Variants in SFMBT2 observed in about 807,000 individuals in gnomAD.
SFMBT2 encodes the protein scm-like with four MBT domains protein 2.
In SFMBT2, 38 loss-of-function variants were observed where a neutral mutation model predicts 110.1. The ratio of observed to expected loss-of-function variants is 0.35; its 90% CI spans 0.27 to 0.45. SFMBT2 has a LOEUF of 0.45. Among genes scored for constraint, SFMBT2 ranks in the 20% least tolerant of loss-of-function variants. The pLI, the probability that SFMBT2 is intolerant of heterozygous loss-of-function variation, is 1.00. For missense variants in SFMBT2, 1,011 were observed against 1,094.9 expected, an observed-to-expected ratio of 0.92 and a Z score of 1.08; for synonymous variants, 425 against 425.4, an observed-to-expected ratio of 1.00 and a Z score of 0.01.
chr10:7,242,752 C>A (rs1840475590), intron 9 of SFMBT2, among the ~76,000 whole-genome samples: 1 of 152,188 alleles, frequency 6.6e-6, no homozygotes, highest in African/African-American at 2.4e-5. Context: ...TGGGACTCAA[C>A]CTGTGGGAAC....
At chr10:7,196,246 C>T (rs912413710) in intron 15 of SFMBT2, among the ~76,000 whole-genome samples, 6 of 152,194 alleles carry the variant, frequency 3.9e-5, no homozygotes, top group Non-Finnish European at 8.8e-5. Context: ...CAACCTCACA[C>T]TGAAGCATCA....
At chr10:7,196,084 T>C (rs558833836) in intron 15 of SFMBT2, among the ~76,000 whole-genome samples, 1 of 152,142 alleles carries the variant, frequency 6.6e-6, no homozygotes, top group Non-Finnish European at 1.5e-5. Context: ...TCAAGTGAAA[T>C]GATATTTGAA....
intron 1 of SFMBT2, among the ~76,000 whole-genome samples, chr10:7,399,901 C>A (rs1409956904): frequency 6.6e-6 from 1 of 152,200 alleles, no homozygotes; most frequent in Non-Finnish European, 1.5e-5. Context: ...AATAGAGCAT[C>A]CACTAGGATG....
chr10:7,349,469 G>C (rs543509201), intron 4 of SFMBT2, among the ~76,000 whole-genome samples: 9 of 11,394 alleles, frequency 7.9e-4, no homozygotes, highest in Admixed American at 2.8e-3. Context: ...TTTTTTTTGC[G>C]GGGGGGAGAC....
intron 2 of SFMBT2, among the ~76,000 whole-genome samples, chr10:7,373,227 C>T (rs1013005089): frequency 7.9e-5 from 12 of 152,156 alleles, no homozygotes; most frequent in Non-Finnish European, 1.3e-4. Flanking sequence ...TACTCTCTTG[C>T]TTCCTCTTTC....
chr10:7,340,372 A>C (rs1843854250), intron 4 of SFMBT2, among the ~76,000 whole-genome samples: 1 of 152,086 alleles, frequency 6.6e-6, no homozygotes, highest in Admixed American at 6.6e-5. Flanking sequence ...TGACTCACAC[A>C]CTTCAAATTC....
At chr10:7,339,947 T>C (rs1005070701) in intron 4 of SFMBT2, among the ~76,000 whole-genome samples, 10 of 152,246 alleles carry the variant, frequency 6.6e-5, no homozygotes, top group African/African-American at 2.2e-4. Context: ...TGAGCTAGTT[T>C]CTAAGTGAAA....
intron 4 of SFMBT2, among the ~76,000 whole-genome samples, chr10:7,315,106 AAG>A (rs1491157889): frequency 1.4e-5 from 2 of 140,456 alleles, no homozygotes; most frequent in East Asian, 2.0e-4. Context: ...GAAAGAAAGA[AAG>A]AAAAAGCAAG....
intron 12 of SFMBT2, chr10:7,205,408 G>A (rs1839096759): frequency 1.0e-6 from 1 of 985,036 alleles, no homozygotes; most frequent in Admixed American, 6.2e-5. Context: ...GTGTTTATAA[G>A]AATGTCAGTA....
At chr10:7,323,599 G>A (rs1210230152) in intron 4 of SFMBT2, among the ~76,000 whole-genome samples, 1 of 151,968 alleles carries the variant, frequency 6.6e-6, no homozygotes, top group African/African-American at 2.4e-5. Context: ...TCAATCTGAA[G>A]TATGTTGAAA....
intron 1 of SFMBT2, among the ~76,000 whole-genome samples, chr10:7,398,804 T>C (rs769319445): frequency 6.6e-6 from 1 of 152,200 alleles, no homozygotes; most frequent in Non-Finnish European, 1.5e-5. Context: ...TTCCCCAAAA[T>C]ATTTGTGTAA....
chr10:7,277,251 G>A (rs1841810906), intron 6 of SFMBT2: 1 of 153,832 alleles, frequency 6.5e-6, no homozygotes, highest in Admixed American at 6.6e-5. Context: ...GCATTTAGTT[G>A]GCATTCTGTA....
chr10:7,269,767 T>C (rs1285244186), intron 7 of SFMBT2, among the ~76,000 whole-genome samples: 1 of 150,824 alleles, frequency 6.6e-6, no homozygotes, highest in Non-Finnish European at 1.5e-5. Context: ...TGTCTCTTTT[T>C]GGATCCTGCA....
chr10:7,403,618 G>A (rs1243524694), intron 1 of SFMBT2, among the ~76,000 whole-genome samples: 1 of 152,186 alleles, frequency 6.6e-6, no homozygotes, highest in Non-Finnish European at 1.5e-5. Context: ...CTCCAGCCTG[G>A]ATGACAGAGC....
In SFMBT2 at chr10:7,163,126, C is replaced by T. The variant is rs1008359024; in HGVS notation, c.*644G>A. On this transcript the variant is annotated 3_prime_UTR_variant, in exon 21 of 21. Transcript: ENST00000397167. This position sits in a 1 kb window ranked among gnomAD's most constrained non-coding sequence, Gnocchi z 4.8. ...TCAAAAAACACAACAAAATGAACAACAAACAAACAAACAAACAAACAAACC... is the reference window on the plus strand; with the variant it reads ...TCAAAAAACACAACAAAATGAACAATAAACAAACAAACAAACAAACAAACC... The T allele has an allele frequency of 3.0e-5, 5 of 165,538 alleles. No homozygotes were observed. Among genetic ancestry groups the T allele is most frequent in the African/African-American group, 7.8e-5 (3 of 38,396 alleles). 10.3% of individuals were successfully genotyped at this position (165,538 alleles called of 1,614,324 possible). A position where few individuals can be genotyped will look rare whatever the true frequency, so the allele number is the denominator to read the frequency against.
At chr10:7,295,551 T>C (rs58868802) in intron 4 of SFMBT2, among the ~76,000 whole-genome samples, 1,613 of 152,368 alleles carry the variant, frequency 0.011, 24 homozygotes, top group African/African-American at 0.037. Flanking sequence ...TACCATAATA[T>C]TCATTGCACA....
chr10:7,307,684 C>T (rs1842734941), intron 4 of SFMBT2, among the ~76,000 whole-genome samples: 1 of 152,106 alleles, frequency 6.6e-6, no homozygotes, highest in South Asian at 2.1e-4. Context: ...TCCAGTTGAA[C>T]TAAGGACTTA....
At position 7,224,352 on chromosome 10, in the gene SFMBT2, T is replaced by C. The variant is rs143183940; in HGVS notation, c.1203+3503A>G. 2.9e-3 allele frequency among the ~76,000 whole-genome samples: 444 copies of C among 152,242 alleles called. 5 individuals are homozygous for C. Among genetic ancestry groups the C allele is most frequent in the South Asian group, 0.02 (95 of 4,816 alleles). ...TGATTCAGGAATCACCATAAAAACA[T>C]AGACAGAATTTACACATGGAATCTG... On this transcript the variant is annotated intron_variant, in intron 10 of 20. Coordinates refer to ENST00000397167, the MANE Select transcript of SFMBT2 (RefSeq NM_001387889.1).
intron 4 of SFMBT2, among the ~76,000 whole-genome samples, chr10:7,364,153 C>T (rs985052693): frequency 1.3e-5 from 2 of 152,280 alleles, no homozygotes; most frequent in Admixed American, 1.3e-4. Context: ...ACTTCTTGCC[C>T]CATGAACCTG....
Sources: allele counts gnomAD v4.1 joint callset (sites outside exome capture counted in the v4.1 genomes callset), GRCh38; gene constraint gnomAD v4.1.1; non-coding constraint Gnocchi (gnomAD v3.1); transcripts MANE v1.5; gene names NCBI Gene and HGNC (gene_info 2026-07-23, HGNC 2026-07-21).